DPY19L2: variants seen among roughly 807,000 people sequenced by gnomAD.
DPY19L2 encodes the protein probable C-mannosyltransferase DPY19L2.
A neutral mutation model predicts 97.9 loss-of-function variants in DPY19L2; 34 were observed. The observed-to-expected ratio is 0.35, with a 90% CI of 0.26 to 0.46. DPY19L2 has a LOEUF of 0.46. Ranked by LOEUF, DPY19L2 falls within the 20% of genes least tolerant of loss-of-function variation. The pLI is 1.00. For synonymous variants in DPY19L2, 230 were observed against 307.9 expected, an observed-to-expected ratio of 0.75 and a Z score of 2.65; for missense variants, 623 against 911.4, an observed-to-expected ratio of 0.68 and a Z score of 4.07.
chr12:63,644,421 A>T lies in DPY19L2; in HGVS notation c.785T>A (p.Met262Lys), dbSNP rs1893117502. ...GTCTTACCTCAGGTATGCTCCATAC[A>T]TGAAGAACAATCCCATCATTAGTCC... ...LNGLMMGLFF[M>K]YGAYLSGTQL... is the part of the protein sequence containing the mutation. The change falls in exon 6 of 22, where the codon ATG becomes AAG. Residue 262 changes from methionine to lysine, a missense_variant. This residue lies in a region of DPY19L2 where 67 missense variants were observed against 88.0 expected (regional missense o/e 0.76). Coordinates refer to ENST00000324472, the MANE Select transcript of DPY19L2 (RefSeq NM_173812.5). 3 of 1,611,118 alleles carry T rather than the reference A, an allele frequency of 1.9e-6. No homozygotes were observed. Among genetic ancestry groups the T allele is most frequent in the South Asian group, 2.2e-5 (2 of 90,422 alleles).
At chr12:63,587,580 T>TC (rs1882020991) in intron 16 of DPY19L2, among the ~76,000 whole-genome samples, 2 of 147,306 alleles carry the variant, frequency 1.4e-5, no homozygotes, top group Admixed American at 1.4e-4. Context: ...ATTATTATTA[T>TC]TATTATTATT....
chr12:63,612,764 T>C (rs1250174210), intron 11 of DPY19L2, among the ~76,000 whole-genome samples: 8 of 151,472 alleles, frequency 5.3e-5, no homozygotes, highest in Non-Finnish European at 1.2e-4. Flanking sequence ...ATTAATAAAA[T>C]TGATATACCT....
chr12:63,583,716 T>C, intron 17 of DPY19L2, 96 bp downstream of exon 17: 1 of 1,202,052 alleles, frequency 8.3e-7, no homozygotes, highest in Non-Finnish European at 1.2e-6. Flanking sequence ...AACTCACTAC[T>C]GAAGGTGCAT....
In DPY19L2 at chr12:63,668,430, C is replaced by A. The variant is rs373678464; in HGVS notation, c.-37G>T. 1 of 1,537,220 alleles carries A rather than the reference C, an allele frequency of 6.5e-7. No individual in the cohort carries two copies. Among genetic ancestry groups the A allele is most frequent in the East Asian group, 2.4e-5 (1 of 42,366 alleles). ...ATGGTGGAGCTGGGTCAATTTCAGGCACAGCCCAGCCGAGTCAGGCGAGGT... is the reference window on the plus strand; with the variant it reads ...ATGGTGGAGCTGGGTCAATTTCAGGAACAGCCCAGCCGAGTCAGGCGAGGT... On this transcript the variant is annotated 5_prime_UTR_variant, in exon 1 of 22. Coordinates refer to ENST00000324472, the MANE Select transcript of DPY19L2 (RefSeq NM_173812.5).
intron 16 of DPY19L2, 48 bp from the exon 17 acceptor site, chr12:63,583,884 T>C: frequency 6.7e-7 from 1 of 1,481,724 alleles, no homozygotes; most frequent in Non-Finnish European, 9.3e-7. Context: ...TCTTTTATAC[T>C]ATGAATACAT....
intron 4 of DPY19L2, among the ~76,000 whole-genome samples, chr12:63,659,201 G>A (rs1033604641): frequency 5.3e-5 from 8 of 152,186 alleles, no homozygotes; most frequent in Non-Finnish European, 1.2e-4. Flanking sequence ...CTTCATCGAG[G>A]TCAAAGTTAA....
At chr12:63,649,598 G>C (rs893347501) in intron 4 of DPY19L2, among the ~76,000 whole-genome samples, 2 of 152,020 alleles carry the variant, frequency 1.3e-5, no homozygotes, top group Admixed American at 1.3e-4. Flanking sequence ...TAAATTCCTG[G>C]AAATATATAA....
At chr12:63,587,557 AATTATT>A (rs201195590) in intron 16 of DPY19L2, among the ~76,000 whole-genome samples, 80 of 136,244 alleles carry the variant, frequency 5.9e-4, no homozygotes, top group Middle Eastern at 3.8e-3. Context: ...CATTTTTAAA[AATTATT>A]ATTATTATTA....
intron 6 of DPY19L2, among the ~76,000 whole-genome samples, chr12:63,627,915 A>G (rs1361499268): frequency 6.6e-6 from 1 of 152,192 alleles, no homozygotes; most frequent in Admixed American, 6.5e-5. Context: ...AGCAGAGGAA[A>G]GCTCATGGGA....
chr12:63,636,863 T>C (rs145204822), intron 6 of DPY19L2, among the ~76,000 whole-genome samples: 2,479 of 152,164 alleles, frequency 0.016, 72 homozygotes, highest in African/African-American at 0.056. Flanking sequence ...GCTGTCAACA[T>C]TGGACAGATC....
chr12:63,575,763 C>G (rs1471984908), intron 19 of DPY19L2, among the ~76,000 whole-genome samples: 3 of 151,894 alleles, frequency 2.0e-5, no homozygotes, highest in Non-Finnish European at 4.4e-5. Flanking sequence ...AAAACCTGAA[C>G]AGACCAATCA....
At chr12:63,623,283 G>A (rs1888993946) in intron 8 of DPY19L2, among the ~76,000 whole-genome samples, 1 of 151,686 alleles carries the variant, frequency 6.6e-6, no homozygotes, top group Non-Finnish European at 1.5e-5. Context: ...TGGTTGTCCT[G>A]TTAGAAACAT....
intron 11 of DPY19L2, among the ~76,000 whole-genome samples, chr12:63,612,469 TA>T (rs766208621): frequency 1.3e-5 from 2 of 151,910 alleles, no homozygotes; most frequent in African/African-American, 2.4e-5. Flanking sequence ...GAAATAAATT[TA>T]AAAATGTACT....
chr12:63,627,070 C>A (rs774324109), intron 6 of DPY19L2, among the ~76,000 whole-genome samples: 9 of 152,138 alleles, frequency 5.9e-5, no homozygotes, highest in Admixed American at 1.3e-4. Flanking sequence ...AGCCACTGTG[C>A]CCAGCCACAT....
chr12:63,630,270 G>T (rs1347755525), intron 6 of DPY19L2, among the ~76,000 whole-genome samples: 1 of 152,064 alleles, frequency 6.6e-6, no homozygotes, highest in Non-Finnish European at 1.5e-5. Context: ...ACACAGACTG[G>T]CAAATTGGAT....
At chr12:63,634,363 T>C (rs1891270482) in intron 6 of DPY19L2, among the ~76,000 whole-genome samples, 1 of 152,134 alleles carries the variant, frequency 6.6e-6, no homozygotes, top group Non-Finnish European at 1.5e-5. Context: ...AGCTCCAGTC[T>C]ACAGCTCCCA....
At chr12:63,566,257 T>G (rs1368864013) in intron 21 of DPY19L2, among the ~76,000 whole-genome samples, 1 of 152,034 alleles carries the variant, frequency 6.6e-6, no homozygotes, top group Non-Finnish European at 1.5e-5. Flanking sequence ...TTCAAGACAT[T>G]TGGAGATCCA....
chr12:63,588,619 A>T (rs1310899400), intron 16 of DPY19L2, among the ~76,000 whole-genome samples: 3 of 152,148 alleles, frequency 2.0e-5, no homozygotes, highest in Admixed American at 6.5e-5. Flanking sequence ...AGCCATTTTT[A>T]AAAAATTTAA....
intron 4 of DPY19L2, among the ~76,000 whole-genome samples, chr12:63,656,300 A>G (rs562289450): frequency 1.6e-4 from 24 of 152,314 alleles, no homozygotes; most frequent in African/African-American, 5.1e-4. Flanking sequence ...TCAATTCAAG[A>G]CCGTCAACCT....
Sources: allele counts gnomAD v4.1 joint callset (sites outside exome capture counted in the v4.1 genomes callset), GRCh38; gene constraint gnomAD v4.1.1; regional missense constraint gnomAD v4.1.1; transcripts MANE v1.5; gene names NCBI Gene and HGNC (gene_info 2026-07-23, HGNC 2026-07-21).